FMN1: variants seen among roughly 807,000 people sequenced by gnomAD.
FMN1 encodes formin 1.
A neutral mutation model predicts 132.4 loss-of-function variants in FMN1; 110 were observed. That is an observed-to-expected ratio of 0.83 (90% CI 0.71 to 0.97). The LOEUF (loss-of-function observed/expected upper bound fraction) is 0.97, where lower values mean the gene tolerates loss of function less well. Ranked by LOEUF, FMN1 falls within the 50% of genes least tolerant of loss-of-function variation. The pLI is 0.00. For synonymous variants in FMN1, 722 were observed against 651.7 expected, an observed-to-expected ratio of 1.11 and a Z score of -1.64; for missense variants, 1,792 against 1,705.3, an observed-to-expected ratio of 1.05 and a Z score of -0.90.
chr15:33,137,605 A>T (rs1191736026), intron 4 of FMN1, among the ~76,000 whole-genome samples: 1 of 152,224 alleles, frequency 6.6e-6, no homozygotes, highest in Non-Finnish European at 1.5e-5. Context: ...TTTTATTCAG[A>T]TTCCATACAA....
intron 17 of FMN1, among the ~76,000 whole-genome samples, chr15:32,855,617 C>T (rs1596094343): frequency 6.6e-6 from 1 of 152,158 alleles, no homozygotes; most frequent in East Asian, 1.9e-4. Flanking sequence ...AGCATTACAG[C>T]ATGCAGGTAA....
intron 18 of FMN1, among the ~76,000 whole-genome samples, chr15:32,800,918 T>C (rs1418740661): frequency 6.6e-6 from 1 of 152,228 alleles, no homozygotes; most frequent in East Asian, 1.9e-4. Flanking sequence ...TTTTTTCTCT[T>C]TCTTATGCTT....
intron 5 of FMN1, among the ~76,000 whole-genome samples, chr15:33,078,899 A>G (rs778337718): frequency 2.0e-5 from 3 of 152,226 alleles, no homozygotes; most frequent in Non-Finnish European, 4.4e-5. Flanking sequence ...TGAGGCTCAC[A>G]GCACTCTAAG....
At chr15:33,085,408 C>T (rs995115294) in intron 5 of FMN1, among the ~76,000 whole-genome samples, 2 of 151,840 alleles carry the variant, frequency 1.3e-5, no homozygotes, top group Non-Finnish European at 2.9e-5. Flanking sequence ...ACTGTTGATT[C>T]AGAAAATAAT....
intron 7 of FMN1, among the ~76,000 whole-genome samples, chr15:33,005,073 A>G (rs1325332540): frequency 6.6e-6 from 1 of 152,134 alleles, no homozygotes. Flanking sequence ...TAGCATTAGG[A>G]GATATACCTA....
At chr15:33,074,316 A>G (rs2038114418) in intron 5 of FMN1, among the ~76,000 whole-genome samples, 1 of 152,218 alleles carries the variant, frequency 6.6e-6, no homozygotes, top group Non-Finnish European at 1.5e-5. Context: ...AGCCAGAGAT[A>G]CCCTTACACA....
At chr15:32,968,536 C>T (rs1555506967) in intron 8 of FMN1, among the ~76,000 whole-genome samples, 178 bp downstream of exon 8, 2 of 152,080 alleles carry the variant, frequency 1.3e-5, no homozygotes, top group Non-Finnish European at 2.9e-5. Context: ...TACAGAGAGG[C>T]CCTGATGGAG....
At chr15:33,058,001 A>C (rs1038091939) in intron 6 of FMN1, among the ~76,000 whole-genome samples, 1 of 151,582 alleles carries the variant, frequency 6.6e-6, no homozygotes, top group African/African-American at 2.4e-5. Context: ...CTGGTGGTGG[A>C]AAGGCGTGGC....
chr15:32,990,899 A>G (rs1249885631), intron 7 of FMN1, among the ~76,000 whole-genome samples: 1 of 152,176 alleles, frequency 6.6e-6, no homozygotes, highest in Non-Finnish European at 1.5e-5. Context: ...TCACGAGAAT[A>G]GCATGGGGTA....
At chr15:33,044,832 T>C (rs2036603382) in intron 6 of FMN1, among the ~76,000 whole-genome samples, 2 of 152,334 alleles carry the variant, frequency 1.3e-5, no homozygotes, top group South Asian at 4.1e-4. Flanking sequence ...GCTGCTCTAT[T>C]GTTCAATAAA....
intron 15 of FMN1, among the ~76,000 whole-genome samples, chr15:32,891,467 C>T (rs576534908): frequency 3.3e-5 from 5 of 152,200 alleles, no homozygotes; most frequent in Non-Finnish European, 4.4e-5. Context: ...TGGTCTCAAT[C>T]GCCTGACCTC....
At chr15:32,783,356 A>G (rs560782706) in intron 19 of FMN1, among the ~76,000 whole-genome samples, 1 of 152,112 alleles carries the variant, frequency 6.6e-6, no homozygotes, top group African/African-American at 2.4e-5. Context: ...GTAAATACCA[A>G]GTGCTGCCAA....
chr15:32,847,252 A>G (rs2058878027), intron 17 of FMN1, among the ~76,000 whole-genome samples: 1 of 152,010 alleles, frequency 6.6e-6, no homozygotes, highest in Non-Finnish European at 1.5e-5. Context: ...AACTGGTTCC[A>G]TAACGTTGAA....
chr15:33,033,176 G>A lies in FMN1; in HGVS notation c.2162-25101C>T, dbSNP rs866140615. 4.6e-5 allele frequency among the ~76,000 whole-genome samples: 7 copies of A among 152,134 alleles called. No individual in the cohort carries two copies. The South Asian group carries it at 1.0e-3, about 23-fold the overall frequency. ...CTCCCGAGTAGCTGGGACTACAGGT[G>A]CCCGCCACCACACGCGGCTAATTTT... On this transcript the variant is annotated intron_variant, in intron 6 of 20. Coordinates refer to ENST00000616417, the MANE Select transcript of FMN1 (RefSeq NM_001277313.2).
intron 9 of FMN1, among the ~76,000 whole-genome samples, chr15:32,949,982 C>T (rs372026416): frequency 0.044 from 236 of 5,380 alleles, 60 homozygotes; most frequent in East Asian, 0.087. Flanking sequence ...TATATATACA[C>T]ACACATATAT....
intron 20 of FMN1, 63 bp downstream of exon 20, chr15:32,776,772 C>T (rs1310022852): frequency 2.1e-6 from 2 of 956,594 alleles, no homozygotes; most frequent in Non-Finnish European, 3.3e-6. Context: ...GAGCTTTAGC[C>T]CTTCCTGGGC....
rs372368487 is a variant in FMN1, at chr15:33,126,621, G to GA, written c.1867+26426dup. On this transcript the variant is annotated intron_variant, in intron 4 of 20. Transcript: ENST00000616417. ...CCAGAAAGAAGAAAGGAAGCAGCAG[G>GA]AAATGGGCGGAAGTGTTAAGTTGCA... Among the ~76,000 whole-genome samples, 351 of 100,312 alleles carry GA rather than the reference G, an allele frequency of 3.5e-3. 2 individuals are homozygous for GA. The highest frequency in any genetic ancestry group is 0.01 in the African/African-American group (328 of 31,304). 65.8% of individuals were successfully genotyped at this position (100,312 alleles called of 152,430 possible).
chr15:33,012,393 A>T, intron 6 of FMN1: 8 of 904,430 alleles, frequency 8.8e-6, no homozygotes, highest in Non-Finnish European at 1.1e-5. Context: ...CTGTCTAAGA[A>T]GATTCTCAAA....
At position 32,804,352 on chromosome 15, in the gene FMN1, A is replaced by G; in HGVS notation, c.3929-20T>C. ...TTTTGGCTGTAAAAGATAAATCATGATTAAAAATTTTTTCTTCTGTTGTCT... is the reference window on the plus strand; with the variant it reads ...TTTTGGCTGTAAAAGATAAATCATGGTTAAAAATTTTTTCTTCTGTTGTCT... On this transcript the variant is annotated intron_variant, in intron 17 of 20. Coordinates refer to ENST00000616417, the MANE Select transcript of FMN1 (RefSeq NM_001277313.2). 2.0e-6 allele frequency: 3 copies of G among 1,499,352 alleles called. No individual in the cohort carries two copies. The highest frequency in any genetic ancestry group is 2.7e-6 in the Non-Finnish European group (3 of 1,115,060). The allele number at this position is 1,499,352 out of a possible 1,614,324, so 92.9% of individuals were successfully genotyped here. A position where few individuals can be genotyped will look rare whatever the true frequency, so the allele number is the denominator to read the frequency against.
Sources: gnomAD v4.1 joint callset for allele counts (sites outside exome capture counted in the v4.1 genomes callset) on GRCh38, gnomAD v4.1.1 for gene constraint, MANE v1.5 for transcripts, NCBI Gene and HGNC (gene_info 2026-07-23, HGNC 2026-07-21) for gene names.